The following BICD2 variants were observed in gnomAD, a reference collection of about 807,000 sequenced individuals.
The protein encoded by BICD2 is BICD cargo adaptor 2.
A neutral mutation model predicts 72.9 loss-of-function variants in BICD2; 25 were observed. That is an observed-to-expected ratio of 0.34 (90% CI 0.25 to 0.48). The LOEUF (loss-of-function observed/expected upper bound fraction) is 0.48, where lower values mean the gene tolerates loss of function less well. Among genes scored for constraint, BICD2 ranks in the 20% least tolerant of loss-of-function variants. The pLI is 0.99. For synonymous variants in BICD2, 501 were observed against 516.1 expected, an observed-to-expected ratio of 0.97 and a Z score of 0.40; for missense variants, 894 against 1,175.2, an observed-to-expected ratio of 0.76 and a Z score of 3.50.
rs1853239231 is a variant in BICD2 at position 92,713,660 on chromosome 9, A to C, written c.*1494T>G. 5.5e-6 allele frequency: 8 copies of C among 1,443,276 alleles called. No individual in the cohort carries two copies. Among genetic ancestry groups the C allele is most frequent in the Non-Finnish European group, 7.3e-6 (8 of 1,093,350 alleles). The allele number at this position is 1,443,276 out of a possible 1,614,324, so 89.4% of individuals were successfully genotyped here. On this transcript the variant is annotated 3_prime_UTR_variant, in exon 7 of 7. Coordinates refer to ENST00000356884, the MANE Select transcript of BICD2 (RefSeq NM_001003800.2). Reference sequence around the variant, plus strand: ...GGAGTATGGAGAGAAGCTATGTGCCAGGCTTGCAAGGAGAGGGCAAAGCGC... The same window carrying C: ...GGAGTATGGAGAGAAGCTATGTGCCCGGCTTGCAAGGAGAGGGCAAAGCGC...
In BICD2 at chr9:92,717,994, A is replaced by G. The variant is rs1395628038; in HGVS notation, c.2107-46T>C. On this transcript the variant is annotated intron_variant, in intron 5 of 6. Transcript: ENST00000356884. ...GTGGAAAAGTGAAAGGCGTGAAGTCAGCCTAGAGGTGCTCTGGGAGCAGGA... is the reference window on the plus strand; with the variant it reads ...GTGGAAAAGTGAAAGGCGTGAAGTCGGCCTAGAGGTGCTCTGGGAGCAGGA... The G allele has an allele frequency of 4.4e-6, 7 of 1,579,012 alleles. No homozygotes were observed. The Admixed American group carries it at 1.3e-4, about 29-fold the overall frequency.
intron 1 of BICD2, among the ~76,000 whole-genome samples, chr9:92,762,551 C>T (rs10992453): frequency 2.6e-5 from 4 of 151,932 alleles, no homozygotes; most frequent in Non-Finnish European, 4.4e-5. Flanking sequence ...AGCAAGCAGA[C>T]GCCTAAAGAG....
In BICD2 at chr9:92,722,770, C is replaced by A; in HGVS notation, c.492G>T (p.Arg164=). Residue 164 remains arginine, a synonymous_variant, in exon 3 of 7, where the codon CGG becomes CGT. Coordinates refer to ENST00000356884, the MANE Select transcript of BICD2 (RefSeq NM_001003800.2). ...QNVEIQRGRL[R]DDIKEYKFRE... ...GGAATTTGTACTCCTTGATGTCATC[C>A]CGCAGGCGGCCACGCTGGATCTCCA... 1 of 1,613,294 alleles carries A rather than the reference C, an allele frequency of 6.2e-7. No individual in the cohort carries two copies. The highest frequency in any genetic ancestry group is 8.5e-7 in the Non-Finnish European group (1 of 1,179,726).
intron 1 of BICD2, among the ~76,000 whole-genome samples, chr9:92,756,627 C>A (rs534840417): frequency 2.0e-5 from 3 of 150,652 alleles, no homozygotes; most frequent in East Asian, 4.0e-4. Context: ...AATCCCAGCA[C>A]TTTGGGAGGC....
At chr9:92,734,092 GATA>G (rs1202403052) in intron 1 of BICD2, among the ~76,000 whole-genome samples, 2 of 152,168 alleles carry the variant, frequency 1.3e-5, no homozygotes, top group African/African-American at 2.4e-5. Context: ...CTGCTATACA[GATA>G]ACAGAGATGA....
chr9:92,717,951 G>A lies in BICD2; in HGVS notation c.2107-3C>T, dbSNP rs1391151960. ...TTGGCAAGGGCCACCTCGGCCGTCT[G>A]GGGGACAGATGTGTAGGGTGGAAAA... is the stretch of plus-strand genomic sequence containing the variant. On this transcript the variant is annotated splice_polypyrimidine_tract_variant and splice_region_variant and intron_variant, in intron 5 of 6. Transcript: ENST00000356884. 5 of 1,612,516 alleles carry A rather than the reference G, an allele frequency of 3.1e-6. No individual in the cohort carries two copies. The highest frequency in any genetic ancestry group is 4.5e-5 in the East Asian group (2 of 44,884).
In BICD2 at chr9:92,728,752, T is replaced by C. The variant is rs1283375364; in HGVS notation, c.453+272A>G. ...ACCCCTCCCTGACTGACCACTCCTC[T>C]GCTCTGGACTTGCTCATGGGACTCG... On this transcript the variant is annotated intron_variant, in intron 2 of 6. Transcript: ENST00000356884. Among the ~76,000 whole-genome samples, 3 of 152,374 alleles carry C rather than the reference T, an allele frequency of 2.0e-5. No homozygotes were observed. In the East Asian group the frequency reaches 5.8e-4, roughly 29 times the overall value.
rs1318900681 is a variant in BICD2, at chr9:92,713,039, T to C, written c.*2115A>G. 5.2e-6 allele frequency: 1 copy of C among 191,838 alleles called. No homozygotes were observed. The highest frequency in any genetic ancestry group is 5.5e-5 in the Admixed American group (1 of 18,318). The allele number at this position is 191,838 out of a possible 1,614,324, so 11.9% of individuals were successfully genotyped here. ...GCGGACAGCTACAGGACCACGAGCA[T>C]AGACCACGGCACCTGAGACCGTCTC... On this transcript the variant is annotated 3_prime_UTR_variant, in exon 7 of 7. Transcript: ENST00000356884.
chr9:92,719,371 T>C lies in BICD2; in HGVS notation c.1274A>G (p.Tyr425Cys). 6.2e-7 allele frequency: 1 copy of C among 1,614,186 alleles called. No individual in the cohort carries two copies. Among genetic ancestry groups the C allele is most frequent in the Non-Finnish European group, 8.5e-7 (1 of 1,180,038 alleles). The stretch of plus-strand genomic sequence containing the variant: ...CTCAGGCCCGTTGATGTCCACCTCG[T>C]AGTAGTCCCCATCCTCATGGCTGTC... The part of the protein sequence containing the change: ...DRDSHEDGDY[Y>C]EVDINGPEIL... Residue 425 changes from tyrosine to cysteine, a missense_variant, in exon 5 of 7, where the codon TAC becomes TGC. By Grantham distance (194) the Tyr-to-Cys change is radical. Coordinates refer to ENST00000356884, the MANE Select transcript of BICD2 (RefSeq NM_001003800.2).
rs1853291498 is a variant in BICD2 at position 92,715,530 on chromosome 9, G to A, written c.2259-67C>T. 1.6e-5 allele frequency: 23 copies of A among 1,480,152 alleles called. No individual in the cohort carries two copies. In the Middle Eastern group the frequency reaches 7.2e-4, roughly 46 times the overall value. The allele number at this position is 1,480,152 out of a possible 1,614,324, so 91.7% of individuals were successfully genotyped here. ...AGCAGAGGAGGGCAGGGCAGGGCAG[G>A]GCTAAGCTGCACGGCCCTCTGACAG... On this transcript the variant is annotated intron_variant, in intron 6 of 6. Coordinates refer to ENST00000356884, the MANE Select transcript of BICD2 (RefSeq NM_001003800.2).
rs1449555503 is a variant in BICD2, at chr9:92,720,008, G to A, written c.1062+292C>T. 6.6e-6 allele frequency among the ~76,000 whole-genome samples: 1 copy of A among 152,202 alleles called. No homozygotes were observed. The highest frequency in any genetic ancestry group is 2.4e-5 in the African/African-American group (1 of 41,460). On this transcript the variant is annotated intron_variant, in intron 4 of 6. Transcript: ENST00000356884. This position sits in a 1 kb window ranked among gnomAD's most constrained non-coding sequence, Gnocchi z 5.4. ...CCAAGCATGACCATGGTGGGCCCCT[G>A]ACACCTGGCCTGCGTGCAGGGATCA...
chr9:92,753,874 G>C (rs1473967578), intron 1 of BICD2, among the ~76,000 whole-genome samples: 2 of 151,798 alleles, frequency 1.3e-5, no homozygotes, highest in Non-Finnish European at 2.9e-5. Flanking sequence ...ATGGCTTAAA[G>C]ACACATAAGT....
Position 92,716,683 on chromosome 9 carries a change from C to T in BICD2, c.2258+1114G>A, listed in dbSNP as rs138304578. ...TATCCCAACATGACCCAGCAGGTGG[C>T]GCTACCCATCTTTGGAAAGTGAAAG... On this transcript the variant is annotated intron_variant, in intron 6 of 6. Transcript: ENST00000356884. 4.3e-3 allele frequency among the ~76,000 whole-genome samples: 661 copies of T among 152,358 alleles called. 3 individuals are homozygous for T. Among genetic ancestry groups the T allele is most frequent in the Non-Finnish European group, 7.2e-3 (489 of 68,034 alleles).
chr9:92,742,882 A>G (rs1387873732), intron 1 of BICD2, among the ~76,000 whole-genome samples: 1 of 152,254 alleles, frequency 6.6e-6, no homozygotes, highest in Non-Finnish European at 1.5e-5. Context: ...TGTAGTATGT[A>G]TAAGAATTCC....
intron 2 of BICD2, among the ~76,000 whole-genome samples, 189 bp downstream of exon 2, chr9:92,728,835 T>C (rs532879166): frequency 6.6e-6 from 1 of 152,286 alleles, no homozygotes; most frequent in African/African-American, 2.4e-5. Context: ...TCCATCTCTC[T>C]CCCTTCTGCC....
chr9:92,742,840 C>G (rs979296342), intron 1 of BICD2, among the ~76,000 whole-genome samples: 4 of 152,212 alleles, frequency 2.6e-5, no homozygotes, highest in African/African-American at 9.6e-5. Flanking sequence ...GGCCTCTTCA[C>G]TAAGCATAAT....
Position 92,738,937 on chromosome 9 carries a change from T to C in BICD2, c.241-9701A>G, listed in dbSNP as rs142472863. On this transcript the variant is annotated intron_variant, in intron 1 of 6. Coordinates refer to ENST00000356884, the MANE Select transcript of BICD2 (RefSeq NM_001003800.2). The stretch of plus-strand genomic sequence containing the variant: ...AGGCTGATCCAGCACCACCCACTCA[T>C]AGCCAGCTGGTCCCACACTTGTCCC... 2.3e-3 allele frequency among the ~76,000 whole-genome samples: 349 copies of C among 152,320 alleles called. 1 individual carries two copies. The highest frequency in any genetic ancestry group is 6.8e-3 in the Middle Eastern group (2 of 294).
At position 92,714,231 on chromosome 9, in the gene BICD2, G is replaced by A. The variant is rs1244873033; in HGVS notation, c.*923C>T. 22 of 985,360 alleles carry A rather than the reference G, an allele frequency of 2.2e-5. No individual in the cohort carries two copies. The highest frequency in any genetic ancestry group is 2.5e-5 in the Non-Finnish European group (21 of 829,970). The allele number at this position is 985,360 out of a possible 1,614,324, so 61.0% of individuals were successfully genotyped here. Reference sequence around the variant, plus strand: ...GGGTGTCCAACCCAGCCAAGCCCTTGGTGGCTCAGACTTCAGGCTAGGGTT... The same window carrying A: ...GGGTGTCCAACCCAGCCAAGCCCTTAGTGGCTCAGACTTCAGGCTAGGGTT... On this transcript the variant is annotated 3_prime_UTR_variant, in exon 7 of 7. Coordinates refer to ENST00000356884, the MANE Select transcript of BICD2 (RefSeq NM_001003800.2).
At chr9:92,748,286 A>G (rs1041030721) in intron 1 of BICD2, among the ~76,000 whole-genome samples, 6 of 152,144 alleles carry the variant, frequency 3.9e-5, no homozygotes, top group East Asian at 3.9e-4. Context: ...ACCCCTCTCC[A>G]GGGCTGAATC....
Sources: gnomAD v4.1 joint callset for allele counts (sites outside exome capture counted in the v4.1 genomes callset) on GRCh38, gnomAD v4.1.1 for gene constraint, Gnocchi (gnomAD v3.1) non-coding constraint, MANE v1.5 for transcripts, NCBI Gene and HGNC (gene_info 2026-07-23, HGNC 2026-07-21) for gene names.